LMNA: variants seen among roughly 807,000 people sequenced by gnomAD.
LMNA encodes lamin.
A neutral mutation model predicts 70.4 loss-of-function variants in LMNA; 20 were observed. That is an observed-to-expected ratio of 0.28 (90% CI 0.20 to 0.41). The LOEUF is 0.41. LMNA is among the 10% of genes least tolerant of loss of function. The pLI, the probability that LMNA is intolerant of heterozygous loss-of-function variation, is 1.00. For synonymous variants in LMNA, 339 were observed against 372.8 expected (o/e 0.91, Z 1.04); for missense variants, 652 against 917.2 (o/e 0.71, Z 3.73).
upstream of LMNA, among the ~76,000 whole-genome samples, chr1:156,112,976 G>C (rs1488887272): frequency 4.6e-5 from 7 of 152,202 alleles, no homozygotes; most frequent in East Asian, 1.4e-3. Flanking sequence ...ATGGGACCCA[G>C]GCCTCAATGC....
rs1415436693 is a variant in LMNA, at chr1:156,103,668, C to T, written c.-206-11045C>T. Among the ~76,000 whole-genome samples the T allele has an allele frequency of 1.3e-5, 2 of 152,152 alleles. No homozygotes were observed. The highest frequency in any genetic ancestry group is 6.5e-5 in the Admixed American group (1 of 15,282). ...GTCCCCTCTCCGGGGGCTGCCCCCT[C>T]CCAGTTTCTGACTAATCCTTTCCAT... is the stretch of plus-strand genomic sequence containing the variant. On this transcript the variant is annotated intron_variant, in intron 3 of 12. Coordinates refer to the LMNA transcript ENST00000368301. The surrounding 1 kb of genome is among the most constrained non-coding windows in gnomAD (Gnocchi z 4.7).
upstream of LMNA, among the ~76,000 whole-genome samples, chr1:156,110,025 A>G: frequency 6.6e-6 from 1 of 151,182 alleles, no homozygotes; most frequent in Non-Finnish European, 1.5e-5. Flanking sequence ...TTTTTTTTTT[A>G]AGAGATGGGG....
chr1:156,135,887 C>T lies in LMNA; in HGVS notation c.937-14C>T, dbSNP rs2102886404. ...GCCCTTGGGAGCTCACCAAACCCTC[C>T]CACCCCCCTTCAGCTGGCAGCCAAG... On this transcript the variant is annotated splice_polypyrimidine_tract_variant and intron_variant, in intron 5 of 11. Transcript: ENST00000368300. This position sits in a 1 kb window ranked among gnomAD's most constrained non-coding sequence, Gnocchi z 4.8. The T allele has an allele frequency of 6.2e-7, 1 of 1,611,834 alleles. No homozygotes were observed. Among genetic ancestry groups the T allele is most frequent in the East Asian group, 2.2e-5 (1 of 44,858 alleles).
intron 1 of LMNA, among the ~76,000 whole-genome samples, chr1:156,128,315 C>A (rs1650766853): frequency 6.6e-6 from 1 of 152,152 alleles, no homozygotes; most frequent in Non-Finnish European, 1.5e-5. Flanking sequence ...CTCATCAGCC[C>A]ATAAGCTCGC....
chr1:156,136,466 A>G lies in LMNA; in HGVS notation c.1380+30A>G. On this transcript the variant is annotated intron_variant, in intron 7 of 11. Transcript: ENST00000368300. This position sits in a 1 kb window ranked among gnomAD's most constrained non-coding sequence, Gnocchi z 6.1. Reference sequence around the variant, plus strand: ...GCTCCTGCTCAGGGTCTAAGGGGATACAGCTGCATCAGGGAGAGAGTGGCA... The same window carrying G: ...GCTCCTGCTCAGGGTCTAAGGGGATGCAGCTGCATCAGGGAGAGAGTGGCA... 1 of 1,540,888 alleles carries G rather than the reference A, an allele frequency of 6.5e-7. No individual in the cohort carries two copies. Among genetic ancestry groups the G allele is most frequent in the Non-Finnish European group, 8.8e-7 (1 of 1,138,852 alleles).
chr1:156,109,875 G>C (rs541776303), upstream of LMNA: 1 of 148,078 alleles, frequency 6.8e-6, no homozygotes, highest in South Asian at 2.1e-4. Flanking sequence ...TTTGAGACAG[G>C]GTTTCTCTCT....
At chr1:156,121,667 C>T (rs1014087407) in intron 1 of LMNA, among the ~76,000 whole-genome samples, 1 of 152,092 alleles carries the variant, frequency 6.6e-6, no homozygotes, top group African/African-American at 2.4e-5. Context: ...GCTCCCCTCC[C>T]CCTTGCTTCC....
intron 1 of LMNA, among the ~76,000 whole-genome samples, chr1:156,121,021 C>A (rs1270150228): frequency 6.6e-6 from 1 of 151,204 alleles, no homozygotes; most frequent in Non-Finnish European, 1.5e-5. Context: ...TGTTACCTCT[C>A]CAACCCTCCA....
rs1159718168 is a variant in LMNA, at chr1:156,137,337, C to A, written c.1608+105C>A. ...AAGTTTGCCAATTCAGGGCCCCTTTCTAGAGCTCTCTGTTGCAGGCTCCAG... is the reference window on the plus strand; with the variant it reads ...AAGTTTGCCAATTCAGGGCCCCTTTATAGAGCTCTCTGTTGCAGGCTCCAG... On this transcript the variant is annotated intron_variant, in intron 9 of 11. Transcript: ENST00000368300. This position sits in a 1 kb window ranked among gnomAD's most constrained non-coding sequence, Gnocchi z 4.6. 3 of 1,425,832 alleles carry A rather than the reference C, an allele frequency of 2.1e-6. No homozygotes were observed. Among genetic ancestry groups the A allele is most frequent in the African/African-American group, 1.4e-5 (1 of 70,738 alleles). The allele number at this position is 1,425,832 out of a possible 1,614,324, so 88.3% of individuals were successfully genotyped here. A position where few individuals can be genotyped will look rare whatever the true frequency, so the allele number is the denominator to read the frequency against.
At chr1:156,114,602 A>ACCCCCCCCCC, upstream of LMNA, 1 of 123,660 alleles carries the variant, frequency 8.1e-6, no homozygotes, top group Non-Finnish European at 1.6e-5. Flanking sequence ...CCTCCTCACC[A>ACCCCCCCCCC]CTCCCGCCCC....
chr1:156,127,271 C>T (rs1013988555), intron 1 of LMNA, among the ~76,000 whole-genome samples: 3 of 152,120 alleles, frequency 2.0e-5, no homozygotes, highest in Non-Finnish European at 4.4e-5. Context: ...TTGGGGTGTG[C>T]GTGTGGCTCC....
intron 2 of LMNA, among the ~76,000 whole-genome samples, chr1:156,132,030 G>A (rs201352017): frequency 1.3e-5 from 2 of 152,080 alleles, no homozygotes; most frequent in Non-Finnish European, 2.9e-5. Context: ...TTAGCCAGGC[G>A]TGGTGGCACA....
At chr1:156,131,758 T>C (rs2485668) in intron 2 of LMNA, among the ~76,000 whole-genome samples, 16,430 of 152,206 alleles carry the variant, frequency 0.11, 1,672 homozygotes, top group African/African-American at 0.27. Flanking sequence ...AGTTGATCAT[T>C]TATTGAGGCC....
chr1:156,099,060 T>C (rs1228345535), intron 3 of LMNA, among the ~76,000 whole-genome samples: 2 of 152,150 alleles, frequency 1.3e-5, no homozygotes, highest in East Asian at 3.8e-4. Context: ...ACAACTCAGC[T>C]GGGGTTGGTC....
chr1:156,101,105 G>A (rs1387881614), intron 3 of LMNA, among the ~76,000 whole-genome samples: 2 of 152,156 alleles, frequency 1.3e-5, no homozygotes, highest in African/African-American at 4.8e-5. Context: ...TACAAGTCAG[G>A]TCAAGGAATT....
At chr1:156,083,810 C>CA (rs1316032899) in intron 2 of LMNA, among the ~76,000 whole-genome samples, 1 of 151,142 alleles carries the variant, frequency 6.6e-6, no homozygotes, top group Non-Finnish European at 1.5e-5. Flanking sequence ...AACAAACAAA[C>CA]AAAAAAACCC....
At chr1:156,097,935 G>A (rs577112268) in intron 3 of LMNA, among the ~76,000 whole-genome samples, 5 of 152,028 alleles carry the variant, frequency 3.3e-5, no homozygotes, top group Admixed American at 6.5e-5. Flanking sequence ...GCAGGGGTGC[G>A]TGTGCGTGTG....
At chr1:156,126,433 G>A in intron 1 of LMNA, 1 of 618,782 alleles carries the variant, frequency 1.6e-6, no homozygotes, top group Non-Finnish European at 2.9e-6. Flanking sequence ...ACAGGCCTGT[G>A]GCCGGCCCTG....
intron 2 of LMNA, among the ~76,000 whole-genome samples, chr1:156,087,822 C>T (rs1276066532): frequency 2.0e-5 from 3 of 151,778 alleles, no homozygotes; most frequent in African/African-American, 7.3e-5. Context: ...CAAAGTGCTG[C>T]GATTATAGGA....
Sources: gnomAD v4.1 joint callset for allele counts (sites outside exome capture counted in the v4.1 genomes callset) on GRCh38, gnomAD v4.1.1 for gene constraint, Gnocchi (gnomAD v3.1) non-coding constraint, MANE v1.5 for transcripts, NCBI Gene and HGNC (gene_info 2026-07-23, HGNC 2026-07-21) for gene names.